Variants in HEMK2 observed in about 807,000 individuals in gnomAD.
HEMK2 encodes HemK methyltransferase 2, ETF1 glutamine and histone H4 lysine, also known as methyltransferase HEMK2.
chr21:28,798,656 A>C, the HEMK2 span, among the ~76,000 whole-genome samples: 3 of 152,270 alleles, frequency 2.0e-5, no homozygotes, highest in Middle Eastern at 6.8e-3. Context: ...AGGAAAAGAA[A>C]TGGTAGCACC....
the HEMK2 span, among the ~76,000 whole-genome samples, chr21:28,729,393 AAAGCACAT>A: frequency 3.9e-5 from 6 of 152,304 alleles, no homozygotes; most frequent in Middle Eastern, 3.4e-3. Flanking sequence ...AAGGGACCTC[AAAGCACAT>A]AAGCCTCTGC....
chr21:28,818,151 T>C, the HEMK2 span, among the ~76,000 whole-genome samples: 1 of 152,120 alleles, frequency 6.6e-6, no homozygotes, highest in Admixed American at 6.6e-5. Flanking sequence ...TCAGCAGCCA[T>C]GTGACCAGAA....
At chr21:28,626,350 A>C in the HEMK2 span, among the ~76,000 whole-genome samples, 1 of 152,238 alleles carries the variant, frequency 6.6e-6, no homozygotes, top group South Asian at 2.1e-4. Context: ...ACTAAATATT[A>C]ATAAAAAGAA....
At chr21:28,803,381 CAT>C in the HEMK2 span, among the ~76,000 whole-genome samples, 54 of 152,192 alleles carry the variant, frequency 3.5e-4, no homozygotes, top group Non-Finnish European at 7.4e-4. Flanking sequence ...CCTTTGTATA[CAT>C]AGTCAGTTTT....
chr21:28,740,634 G>T, the HEMK2 span, among the ~76,000 whole-genome samples: 1 of 152,126 alleles, frequency 6.6e-6, no homozygotes, highest in Non-Finnish European at 1.5e-5. Context: ...CATAAGCTTA[G>T]AATTCAAATG....
At chr21:28,590,082 C>T in the HEMK2 span, among the ~76,000 whole-genome samples, 6 of 152,164 alleles carry the variant, frequency 3.9e-5, no homozygotes, top group African/African-American at 9.7e-5. Context: ...CCCCATGATG[C>T]CCCACATGGA....
the HEMK2 span, chr21:28,882,175 T>A: frequency 1.3e-6 from 2 of 1,580,988 alleles, no homozygotes; most frequent in Non-Finnish European, 1.7e-6. Context: ...CTGTAATAAC[T>A]GGTTGAATGT....
chr21:28,866,172 A>AAAAAAAC, the HEMK2 span, among the ~76,000 whole-genome samples: 1 of 133,028 alleles, frequency 7.5e-6, no homozygotes, highest in Non-Finnish European at 1.6e-5. Context: ...AAACAAAAAA[A>AAAAAAAC]AAAACACACA....
At chr21:28,714,881 A>G in the HEMK2 span, among the ~76,000 whole-genome samples, 2 of 152,332 alleles carry the variant, frequency 1.3e-5, no homozygotes, top group East Asian at 3.9e-4. Context: ...TATAAGCAAG[A>G]ACATGTGATA....
the HEMK2 span, among the ~76,000 whole-genome samples, chr21:28,876,704 A>G: frequency 6.6e-6 from 1 of 152,178 alleles, no homozygotes; most frequent in South Asian, 2.1e-4. Context: ...GTCTAATCAG[A>G]ATAAATGGCT....
chr21:28,838,882 T>C, the HEMK2 span, among the ~76,000 whole-genome samples: 1 of 137,444 alleles, frequency 7.3e-6, no homozygotes, highest in Non-Finnish European at 1.5e-5. Flanking sequence ...GAGGTTGTGG[T>C]GAGCCGAAAT....
At chr21:28,579,173 T>C in the HEMK2 span, among the ~76,000 whole-genome samples, 1 of 152,228 alleles carries the variant, frequency 6.6e-6, no homozygotes, top group Non-Finnish European at 1.5e-5. Context: ...ATGAATTCTG[T>C]TGGTAGAAAT....
chr21:28,603,003 C>T, the HEMK2 span, among the ~76,000 whole-genome samples: 1 of 152,152 alleles, frequency 6.6e-6, no homozygotes, highest in African/African-American at 2.4e-5. Flanking sequence ...CTCAGGGGTC[C>T]CTGAAGACCA....
the HEMK2 span, among the ~76,000 whole-genome samples, chr21:28,869,362 G>C: frequency 1.1e-5 from 1 of 93,324 alleles, no homozygotes; most frequent in Non-Finnish European, 2.3e-5. Context: ...GCTAGATTTA[G>C]TTTGTTGAAG....
the HEMK2 span, among the ~76,000 whole-genome samples, chr21:28,770,734 T>C: frequency 6.6e-6 from 1 of 152,072 alleles, no homozygotes; most frequent in Non-Finnish European, 1.5e-5. Context: ...GCAAGAAGGC[T>C]CTTGCCAGAT....
the HEMK2 span, chr21:28,885,111 T>G: frequency 1.8e-5 from 25 of 1,412,544 alleles, no homozygotes; most frequent in East Asian, 6.6e-4. Context: ...CCCCGCCTGC[T>G]CCGGCTCAGG....
At chr21:28,583,452 C>T in the HEMK2 span, among the ~76,000 whole-genome samples, 1 of 152,166 alleles carries the variant, frequency 6.6e-6, no homozygotes, top group Non-Finnish European at 1.5e-5. Flanking sequence ...CCTCCCTGCC[C>T]TCTGGTCACC....
the HEMK2 span, among the ~76,000 whole-genome samples, chr21:28,616,765 T>C: frequency 6.6e-6 from 1 of 152,218 alleles, no homozygotes; most frequent in Non-Finnish European, 1.5e-5. Flanking sequence ...CCCTTTGCTA[T>C]TCTAGTTTCT....
At chr21:28,834,671 T>C in the HEMK2 span, among the ~76,000 whole-genome samples, 1 of 152,074 alleles carries the variant, frequency 6.6e-6, no homozygotes, top group Non-Finnish European at 1.5e-5. Flanking sequence ...AGGGCACAAA[T>C]CCGGCATGCA....
Sources: allele counts gnomAD v4.1 joint callset (sites outside exome capture counted in the v4.1 genomes callset), GRCh38; gene constraint gnomAD v4.1.1; transcripts MANE v1.5; gene names NCBI Gene and HGNC (gene_info 2026-07-23, HGNC 2026-07-21).